Variants in CYB561D1 observed in about 807,000 individuals in gnomAD.
The protein encoded by CYB561D1 is probable transmembrane reductase CYB561D1.
CYB561D1 carries 15 observed loss-of-function variants against 19.2 expected under a neutral mutation model. The ratio of observed to expected loss-of-function variants is 0.78; its 90% confidence interval spans 0.52 to 1.20. The LOEUF (loss-of-function observed/expected upper bound fraction) is 1.20, where lower values mean the gene tolerates loss of function less well. CYB561D1 is among the 50% of genes most tolerant of loss of function. CYB561D1 has a pLI of 0.00. For missense variants in CYB561D1, 297 were observed against 287.3 expected (o/e 1.03, Z -0.24); for synonymous variants, 133 against 120.6 (o/e 1.10, Z -0.68).
intron 1 of CYB561D1, 172 bp downstream of exon 1, chr1:109,494,459 T>TG: frequency 6.5e-7 from 1 of 1,547,494 alleles, no homozygotes; most frequent in Admixed American, 2.0e-5. Flanking sequence ...CCTGGAATAA[T>TG]GGGGTTTTGG....
chr1:109,495,570 AGACG>A, intron 2 of CYB561D1, 182 bp from the exon 3 acceptor site: 2 of 1,084,816 alleles, frequency 1.8e-6, no homozygotes, highest in Non-Finnish European at 2.6e-6. Context: ...CTGAATGAGG[AGACG>A]TGCACTCAAG....
At position 109,498,938 on chromosome 1, in the gene CYB561D1, GTC is replaced by G. The variant is rs1370676261; in HGVS notation, c.*2680_*2681del. On this transcript the variant is annotated 3_prime_UTR_variant, in exon 3 of 3. Coordinates refer to ENST00000420578, the MANE Select transcript of CYB561D1 (RefSeq NM_182580.3). ...TGCACAAATTTTCATATCAAGCTAA[GTC>G]CTGATTCCAAATTTGATTATATTCC... The G allele has an allele frequency of 6.6e-6, 1 of 151,418 alleles. No homozygotes were observed. The highest frequency in any genetic ancestry group is 1.5e-5 in the Non-Finnish European group (1 of 67,970). The allele number at this position is 151,418 out of a possible 1,614,324, so 9.4% of individuals were successfully genotyped here. A position where few individuals can be genotyped will look rare whatever the true frequency, so the allele number is the denominator to read the frequency against.
rs1407322556 is a variant in CYB561D1 at position 109,498,147 on chromosome 1, C to A, written c.*1888C>A. 6.6e-6 allele frequency: 1 copy of A among 152,174 alleles called. No individual in the cohort carries two copies. The highest frequency in any genetic ancestry group is 2.4e-5 in the African/African-American group (1 of 41,428). 9.4% of individuals were successfully genotyped at this position (152,174 alleles called of 1,614,324 possible). ...TTCTACCTGCCGCAGGGTAGGAGGGCCAGGCAAAGTTCACCAGCTTGCTCT... is the reference window on the plus strand; with the variant it reads ...TTCTACCTGCCGCAGGGTAGGAGGGACAGGCAAAGTTCACCAGCTTGCTCT... On this transcript the variant is annotated 3_prime_UTR_variant, in exon 3 of 3. Transcript: ENST00000420578.
Position 109,496,382 on chromosome 1 carries a change from C to G in CYB561D1, c.*123C>G. The G allele has an allele frequency of 9.1e-7, 1 of 1,100,420 alleles. No individual in the cohort carries two copies. Among genetic ancestry groups the G allele is most frequent in the Non-Finnish European group, 1.3e-6 (1 of 786,512 alleles). The allele number at this position is 1,100,420 out of a possible 1,614,324, so 68.2% of individuals were successfully genotyped here. A position where few individuals can be genotyped will look rare whatever the true frequency, so the allele number is the denominator to read the frequency against. On this transcript the variant is annotated 3_prime_UTR_variant, in exon 3 of 3. Coordinates refer to ENST00000420578, the MANE Select transcript of CYB561D1 (RefSeq NM_182580.3). ...TCGCACTTCTTGGCTGGTCCAGGGA[C>G]TGCAGAAACCAAAGCTGCTATTGTT...
rs114984951 is a variant in CYB561D1, at chr1:109,496,151, C to T, written c.582C>T (p.Ile194=). The change falls in exon 3 of 3, where the codon ATC becomes ATT. Residue 194 remains isoleucine, a synonymous_variant. Transcript: ENST00000420578. ...GMYSVWFQAQ[I]KGAAWYLCLA... is the part of the protein sequence containing the mutation. ...ACTCAGTATGGTTCCAGGCCCAGAT[C>T]AAAGGTGCGGCCTGGTACCTGTGCC... The T allele has an allele frequency of 4.6e-4, 749 of 1,614,006 alleles. 2 individuals are homozygous for T. The African/African-American group carries it at 8.9e-3, about 19-fold the overall frequency.
At position 109,497,880 on chromosome 1, in the gene CYB561D1, C is replaced by G. The variant is rs1185648599; in HGVS notation, c.*1621C>G. The G allele has an allele frequency of 6.6e-6, 1 of 152,260 alleles. No homozygotes were observed. Among genetic ancestry groups the G allele is most frequent in the Non-Finnish European group, 1.5e-5 (1 of 68,074 alleles). The allele number at this position is 152,260 out of a possible 1,614,324, so 9.4% of individuals were successfully genotyped here. On this transcript the variant is annotated 3_prime_UTR_variant, in exon 3 of 3. Transcript: ENST00000420578. Reference sequence around the variant, plus strand: ...GGGCAGAAGTGTCCTCTCCACGTAACTCATTATGCCCCTCCTGGGGGAGAT... The same window carrying G: ...GGGCAGAAGTGTCCTCTCCACGTAAGTCATTATGCCCCTCCTGGGGGAGAT...
rs1317727379 is a variant in CYB561D1, at chr1:109,496,865, A to G, written c.*606A>G. 2.0e-5 allele frequency: 3 copies of G among 152,530 alleles called. No homozygotes were observed. Among genetic ancestry groups the G allele is most frequent in the Non-Finnish European group, 2.9e-5 (2 of 68,054 alleles). 9.4% of individuals were successfully genotyped at this position (152,530 alleles called of 1,614,324 possible). A position where few individuals can be genotyped will look rare whatever the true frequency, so the allele number is the denominator to read the frequency against. Reference sequence around the variant, plus strand: ...GGACCACTTAGCAGACTCAGGGGGTAGTTCTTTACTCTCCCTTTACTACCC... The same window carrying G: ...GGACCACTTAGCAGACTCAGGGGGTGGTTCTTTACTCTCCCTTTACTACCC... On this transcript the variant is annotated 3_prime_UTR_variant, in exon 3 of 3. Coordinates refer to ENST00000420578, the MANE Select transcript of CYB561D1 (RefSeq NM_182580.3).
In CYB561D1 at chr1:109,496,010, C is replaced by G. The variant is rs546456494; in HGVS notation, c.441C>G (p.Cys147Trp). ...CTGTCCAGGCACTGTGTGGGCTCTG[C>G]CTCCTTTGTCCCCGGGCAGCCAGGG... is the stretch of plus-strand genomic sequence containing the variant. ...ATAVQALCGL[C>W]LLCPRAARVS... is the part of the protein sequence containing the mutation. The change falls in exon 3 of 3, where the codon TGC becomes TGG. Residue 147 changes from cysteine to tryptophan, a missense_variant. Cys to Trp is a radical substitution (Grantham distance 215). Transcript: ENST00000420578. The G allele has an allele frequency of 6.2e-7, 1 of 1,608,562 alleles. No individual in the cohort carries two copies. Among genetic ancestry groups the G allele is most frequent in the South Asian group, 1.1e-5 (1 of 90,726 alleles).
At chr1:109,495,285 TG>T (rs1342089797) in intron 2 of CYB561D1, 105 bp downstream of exon 2, 2 of 1,333,786 alleles carry the variant, frequency 1.5e-6, no homozygotes, top group East Asian at 2.3e-5. Context: ...CTAAGACAGG[TG>T]GAGGAAACAT....
chr1:109,495,218 C>T, intron 2 of CYB561D1, 38 bp downstream of exon 2: 1 of 1,609,628 alleles, frequency 6.2e-7, no homozygotes, highest in Non-Finnish European at 8.5e-7. Context: ...TTGGGTATTC[C>T]TCACCTCATT....
rs79471201 is a variant in CYB561D1 at position 109,494,214 on chromosome 1, C to T, written c.75C>T (p.Gly25=). The T allele has an allele frequency of 1.1e-3, 1,749 of 1,566,136 alleles. 16 individuals are homozygous for T. In the East Asian group the frequency reaches 0.016, roughly 14 times the overall value. ...EPRLTRWLRR[G]SGILAHLVAL... ...GACTGACCCGCTGGCTGCGGAGAGG[C>T]AGTGGGATCTTGGCGCACCTGGTAG... The change falls in exon 1 of 3, where the codon GGC becomes GGT. Residue 25 remains glycine, a synonymous_variant. Coordinates refer to ENST00000420578, the MANE Select transcript of CYB561D1 (RefSeq NM_182580.3).
At chr1:109,494,738 G>A (rs1657412644) in intron 1 of CYB561D1, 1 of 487,666 alleles carries the variant, frequency 2.1e-6, no homozygotes, top group East Asian at 6.8e-5. Flanking sequence ...TTGGGAGGCT[G>A]AGGGAGGAGA....
In CYB561D1 at chr1:109,496,425, G is replaced by A; in HGVS notation, c.*166G>A. 1 of 707,012 alleles carries A rather than the reference G, an allele frequency of 1.4e-6. No homozygotes were observed. The highest frequency in any genetic ancestry group is 2.2e-6 in the Non-Finnish European group (1 of 453,862). 43.8% of individuals were successfully genotyped at this position (707,012 alleles called of 1,614,324 possible). A position where few individuals can be genotyped will look rare whatever the true frequency, so the allele number is the denominator to read the frequency against. On this transcript the variant is annotated 3_prime_UTR_variant, in exon 3 of 3. Coordinates refer to ENST00000420578, the MANE Select transcript of CYB561D1 (RefSeq NM_182580.3). ...CTATTGTTGAGGAATAATTCAGTGG[G>A]TCAAAATGGGGAGATGTACTGGGTA... is the stretch of plus-strand genomic sequence containing the variant.
At position 109,496,176 on chromosome 1, in the gene CYB561D1, C is replaced by A. The variant is rs1168763731; in HGVS notation, c.607C>A (p.Leu203Met). 8.7e-6 allele frequency: 14 copies of A among 1,611,512 alleles called. No homozygotes were observed. Among genetic ancestry groups the A allele is most frequent in the Non-Finnish European group, 1.2e-5 (14 of 1,177,766 alleles). Reference protein sequence around the residue: ...QIKGAAWYLCLALPVYPALVI... With the variant: ...QIKGAAWYLCMALPVYPALVI... ...CAAAGGTGCGGCCTGGTACCTGTGCCTGGCACTGCCCGTCTATCCAGCCCT... is the reference window on the plus strand; with the variant it reads ...CAAAGGTGCGGCCTGGTACCTGTGCATGGCACTGCCCGTCTATCCAGCCCT... The change falls in exon 3 of 3, where the codon CTG becomes ATG. Residue 203 changes from leucine (L) to methionine (M), a missense_variant. Leu to Met is a conservative substitution (Grantham distance 15, BLOSUM62 2). Coordinates refer to ENST00000420578, the MANE Select transcript of CYB561D1 (RefSeq NM_182580.3).
chr1:109,496,350 C>A lies in CYB561D1; in HGVS notation c.*91C>A. 4.2e-6 allele frequency: 6 copies of A among 1,431,158 alleles called. No individual in the cohort carries two copies. In the Admixed American group the frequency reaches 7.2e-5, roughly 17 times the overall value. The allele number at this position is 1,431,158 out of a possible 1,614,324, so 88.7% of individuals were successfully genotyped here. On this transcript the variant is annotated 3_prime_UTR_variant, in exon 3 of 3. Transcript: ENST00000420578. ...ATAAGGGATCTATTTAAGAAGTGGTCAGGTTTTCGCACTTCTTGGCTGGTC... is the reference window on the plus strand; with the variant it reads ...ATAAGGGATCTATTTAAGAAGTGGTAAGGTTTTCGCACTTCTTGGCTGGTC...
chr1:109,494,302 C>A lies in CYB561D1; in HGVS notation c.148+15C>A, dbSNP rs749502924. 3.8e-5 allele frequency: 60 copies of A among 1,568,204 alleles called. No homozygotes were observed. The highest frequency in any genetic ancestry group is 5.2e-5 in the Non-Finnish European group (60 of 1,155,206). ...GCCAGGAACCAGTGAGTGTGCGGGG[C>A]GGGGTTGCGGAAGGGGGCGGAGTGG... is the stretch of plus-strand genomic sequence containing the variant. On this transcript the variant is annotated intron_variant, in intron 1 of 2. Coordinates refer to ENST00000420578, the MANE Select transcript of CYB561D1 (RefSeq NM_182580.3).
Position 109,496,349 on chromosome 1 carries a change from T to C in CYB561D1, c.*90T>C. ...TATAAGGGATCTATTTAAGAAGTGG[T>C]CAGGTTTTCGCACTTCTTGGCTGGT... On this transcript the variant is annotated 3_prime_UTR_variant, in exon 3 of 3. Transcript: ENST00000420578. 6.9e-7 allele frequency: 1 copy of C among 1,459,150 alleles called. No homozygotes were observed. 90.4% of individuals were successfully genotyped at this position (1,459,150 alleles called of 1,614,324 possible).
chr1:109,494,338 G>A, intron 1 of CYB561D1, 51 bp downstream of exon 1: 1 of 1,531,340 alleles, frequency 6.5e-7, no homozygotes, highest in Non-Finnish European at 8.8e-7. Context: ...AGATGCTGGA[G>A]GGGCAGCGCT....
At position 109,497,339 on chromosome 1, in the gene CYB561D1, A is replaced by G. The variant is rs1657625273; in HGVS notation, c.*1080A>G. On this transcript the variant is annotated 3_prime_UTR_variant, in exon 3 of 3. Coordinates refer to ENST00000420578, the MANE Select transcript of CYB561D1 (RefSeq NM_182580.3). The stretch of plus-strand genomic sequence containing the variant: ...GGCAGGGCTTTTCTGATCCAAAGAA[A>G]ACAAAGTTTCTCTGGTTACCCCTCT... 1 of 152,260 alleles carries G rather than the reference A, an allele frequency of 6.6e-6. No homozygotes were observed. Among genetic ancestry groups the G allele is most frequent in the Non-Finnish European group, 1.5e-5 (1 of 68,062 alleles). 9.4% of individuals were successfully genotyped at this position (152,260 alleles called of 1,614,324 possible). A position where few individuals can be genotyped will look rare whatever the true frequency, so the allele number is the denominator to read the frequency against.
Sources: gnomAD v4.1 joint callset for allele counts on GRCh38, gnomAD v4.1.1 for gene constraint, MANE v1.5 for transcripts, NCBI Gene and HGNC (gene_info 2026-07-23, HGNC 2026-07-21) for gene names.